The following ATG10 variants were observed in gnomAD, a reference collection of about 807,000 sequenced individuals.
The protein encoded by ATG10 is autophagy related 10.
In ATG10, 30 loss-of-function variants were observed where a neutral mutation model predicts 32.1. The ratio of observed to expected loss-of-function variants is 0.94; its 90% CI spans 0.70 to 1.27. The LOEUF is 1.27. Among genes scored for constraint, ATG10 ranks in the 50% most tolerant of loss-of-function variants. The pLI is 0.00. For missense variants in ATG10, 233 were observed against 262.3 expected (o/e 0.89, Z 0.77); for synonymous variants, 87 against 91.5 (o/e 0.95, Z 0.28).
intron 6 of ATG10, among the ~76,000 whole-genome samples, chr5:82,252,972 A>G (rs1217965387): frequency 1.3e-5 from 2 of 152,204 alleles, no homozygotes; most frequent in Non-Finnish European, 2.9e-5. Flanking sequence ...GAATCTAAGC[A>G]TTTTGGCCTC....
At chr5:81,984,274 A>G (rs1050642410) in intron 1 of ATG10, among the ~76,000 whole-genome samples, 1 of 152,266 alleles carries the variant, frequency 6.6e-6, no homozygotes, top group Non-Finnish European at 1.5e-5. Flanking sequence ...AAAAAATACG[A>G]AAACCAGTCA....
At chr5:82,033,573 C>T (rs1225695173) in intron 2 of ATG10, among the ~76,000 whole-genome samples, 2 of 152,008 alleles carry the variant, frequency 1.3e-5, no homozygotes, top group East Asian at 3.9e-4. Flanking sequence ...TCCGCCTGCC[C>T]CAGTGACTGT....
At chr5:82,223,618 T>C (rs544558926) in intron 5 of ATG10, among the ~76,000 whole-genome samples, 1 of 152,314 alleles carries the variant, frequency 6.6e-6, no homozygotes, top group Admixed American at 6.5e-5. Context: ...CAGAAATCTA[T>C]GGCATGGTCT....
chr5:82,111,753 A>G (rs558013667), intron 3 of ATG10, among the ~76,000 whole-genome samples: 1 of 152,126 alleles, frequency 6.6e-6, no homozygotes, highest in South Asian at 2.1e-4. Flanking sequence ...GGCCTCAAAT[A>G]GAAACTATGA....
In ATG10 at chr5:82,036,391, C is replaced by T. The variant is rs562144728; in HGVS notation, c.109-22104C>T. Among the ~76,000 whole-genome samples the T allele has an allele frequency of 9.2e-5, 14 of 152,046 alleles. No individual in the cohort carries two copies. The East Asian group carries it at 9.7e-4, about 11-fold the overall frequency. On this transcript the variant is annotated intron_variant, in intron 2 of 7. Coordinates refer to ENST00000282185, the MANE Select transcript of ATG10 (RefSeq NM_031482.5). ...GGCAGATCACCTGATGTCAGGAGTT[C>T]GAGATTAGCCTGGCCAACATGATGA...
At chr5:82,194,804 T>G (rs1744790318) in intron 5 of ATG10, among the ~76,000 whole-genome samples, 1 of 152,202 alleles carries the variant, frequency 6.6e-6, no homozygotes, top group Non-Finnish European at 1.5e-5. Context: ...AGACAGGCTT[T>G]TGGCCCTGTA....
At chr5:82,236,344 AT>A (rs1359803277) in intron 5 of ATG10, among the ~76,000 whole-genome samples, 1 of 152,206 alleles carries the variant, frequency 6.6e-6, no homozygotes, top group African/African-American at 2.4e-5. Flanking sequence ...AGATTAAATT[AT>A]GTACAACAAA....
intron 5 of ATG10, among the ~76,000 whole-genome samples, chr5:82,234,202 A>G (rs1746472088): frequency 6.6e-6 from 1 of 152,164 alleles, no homozygotes; most frequent in African/African-American, 2.4e-5. Context: ...AGAGAAGTTT[A>G]TGTCATACTT....
intron 3 of ATG10, among the ~76,000 whole-genome samples, chr5:82,114,458 C>T (rs1204209000): frequency 6.6e-6 from 1 of 152,054 alleles, no homozygotes; most frequent in Non-Finnish European, 1.5e-5. Context: ...GTTTCCTGCC[C>T]TGCCCACAAT....
intron 3 of ATG10, among the ~76,000 whole-genome samples, chr5:82,083,009 G>A (rs965060366): frequency 6.6e-6 from 1 of 152,218 alleles, no homozygotes; most frequent in African/African-American, 2.4e-5. Flanking sequence ...GACAGTGGGT[G>A]CAGCCCATGG....
chr5:82,031,400 A>T lies in ATG10; in HGVS notation c.109-27095A>T, dbSNP rs571678254. Among the ~76,000 whole-genome samples, 4 of 152,334 alleles carry T rather than the reference A, an allele frequency of 2.6e-5. No homozygotes were observed. The East Asian group carries it at 7.7e-4, about 29-fold the overall frequency. On this transcript the variant is annotated intron_variant, in intron 2 of 7. Transcript: ENST00000282185. The stretch of plus-strand genomic sequence containing the variant: ...CACACATAGGTTATCAAGACCTTGG[A>T]GCAACACCAGATAAGAAGGGTAACT...
At chr5:81,983,588 G>A (rs1424797856) in intron 1 of ATG10, among the ~76,000 whole-genome samples, 17 of 148,854 alleles carry the variant, frequency 1.1e-4, no homozygotes, top group South Asian at 2.1e-4. Flanking sequence ...AGGGGCGGCC[G>A]GGCAGAGGCG....
At chr5:81,981,547 G>A (rs1386282360) in intron 1 of ATG10, among the ~76,000 whole-genome samples, 1 of 152,206 alleles carries the variant, frequency 6.6e-6, no homozygotes, top group Non-Finnish European at 1.5e-5. Context: ...TATAAATAAT[G>A]TGGAATTGTT....
At chr5:82,241,843 G>GA (rs1050991366) in intron 5 of ATG10, among the ~76,000 whole-genome samples, 197 of 149,184 alleles carry the variant, frequency 1.3e-3, no homozygotes, top group African/African-American at 3.3e-3. Flanking sequence ...GATAAAAAAA[G>GA]AAAAAAAAAC....
At chr5:81,999,591 A>G (rs1243098380) in intron 2 of ATG10, among the ~76,000 whole-genome samples, 1 of 152,192 alleles carries the variant, frequency 6.6e-6, no homozygotes, top group Non-Finnish European at 1.5e-5. Context: ...CAGCAAATCT[A>G]AGAATTGGTT....
At chr5:82,239,317 C>T (rs945914648) in intron 5 of ATG10, among the ~76,000 whole-genome samples, 12 of 151,988 alleles carry the variant, frequency 7.9e-5, no homozygotes, top group African/African-American at 2.9e-4. Context: ...TTTGTCTATG[C>T]GATAAATTCC....
intron 3 of ATG10, among the ~76,000 whole-genome samples, chr5:82,079,550 G>A (rs1581667151): frequency 2.0e-5 from 3 of 151,272 alleles, no homozygotes; most frequent in Admixed American, 1.3e-4. Flanking sequence ...AGTGTGTGAT[G>A]TTCCCTTTCC....
chr5:82,136,491 G>A (rs1766755670), intron 3 of ATG10, among the ~76,000 whole-genome samples: 1 of 152,102 alleles, frequency 6.6e-6, no homozygotes, highest in South Asian at 2.1e-4. Flanking sequence ...ATGAAGCTTA[G>A]TTTGGCTGGA....
At chr5:82,142,529 G>A (rs1002445812) in intron 3 of ATG10, among the ~76,000 whole-genome samples, 3 of 152,174 alleles carry the variant, frequency 2.0e-5, no homozygotes, top group Admixed American at 6.5e-5. Flanking sequence ...GAGGGGACAG[G>A]TGGAAGATAA....
Sources: allele counts gnomAD v4.1 joint callset (sites outside exome capture counted in the v4.1 genomes callset), GRCh38; gene constraint gnomAD v4.1.1; transcripts MANE v1.5; gene names NCBI Gene and HGNC (gene_info 2026-07-23, HGNC 2026-07-21).